Variants in TTYH3 observed in about 807,000 individuals in gnomAD.
The protein encoded by TTYH3 is protein tweety homolog 3.
TTYH3 carries 23 observed loss-of-function variants against 68.2 expected under a neutral mutation model. That is an observed-to-expected ratio of 0.34 (90% confidence interval 0.24 to 0.48). TTYH3 has a LOEUF of 0.48. TTYH3 is among the 20% of genes least tolerant of loss of function. The pLI, the probability that TTYH3 is intolerant of heterozygous loss-of-function variation, is 0.99. For missense variants in TTYH3, 768 were observed against 727.7 expected, an observed-to-expected ratio of 1.06 and a Z score of -0.64; for synonymous variants, 360 against 332.8, an observed-to-expected ratio of 1.08 and a Z score of -0.89.
chr7:2,640,030 C>A (rs1266518204), intron 1 of TTYH3, among the ~76,000 whole-genome samples: 1 of 152,186 alleles, frequency 6.6e-6, no homozygotes, highest in Non-Finnish European at 1.5e-5. Flanking sequence ...CGCTGTGTGA[C>A]TGTGGACTCT....
chr7:2,649,724 C>T, intron 6 of TTYH3, 85 bp downstream of exon 6: 1 of 1,515,574 alleles, frequency 6.6e-7, no homozygotes, highest in Non-Finnish European at 8.9e-7. Context: ...CCTCTCCCCT[C>T]CCATCTTCCC....
In TTYH3 at chr7:2,654,231, A is replaced by C. The variant is rs190181930; in HGVS notation, c.1020+1221A>C. 1.1e-3 allele frequency among the ~76,000 whole-genome samples: 163 copies of C among 152,126 alleles called. 7 individuals carry two copies. Among genetic ancestry groups the C allele is most frequent in the Admixed American group, 5.9e-4 (9 of 15,264 alleles). On this transcript the variant is annotated intron_variant, in intron 9 of 13. Transcript: ENST00000258796. ...GCAACATAGCAAGACCCCATTCTAC[A>C]AAAAAATACAAAAACTAGCTAGGTG... is the stretch of plus-strand genomic sequence containing the variant.
chr7:2,651,069 C>T (rs60401404), intron 7 of TTYH3, among the ~76,000 whole-genome samples: 3,155 of 151,990 alleles, frequency 0.021, 97 homozygotes, highest in African/African-American at 0.071. Flanking sequence ...TCGGCCCCCT[C>T]GGGAGGTTTG....
intron 11 of TTYH3, among the ~76,000 whole-genome samples, chr7:2,657,745 C>T (rs1196615290): frequency 6.6e-6 from 1 of 152,238 alleles, no homozygotes; most frequent in Admixed American, 6.5e-5. Flanking sequence ...CAAAAGCTAC[C>T]ACTGTCCTGT....
intron 1 of TTYH3, among the ~76,000 whole-genome samples, chr7:2,642,458 C>G (rs1416325417): frequency 6.9e-6 from 1 of 144,806 alleles, no homozygotes; most frequent in East Asian, 2.1e-4. Flanking sequence ...AGGAGAATCA[C>G]TTGAACCTGA....
rs114723128 is a variant in TTYH3, at chr7:2,661,230, C to T, written c.1501-438C>T. Among the ~76,000 whole-genome samples, 1,291 of 152,306 alleles carry T rather than the reference C, an allele frequency of 8.5e-3. 27 individuals carry two copies. Among genetic ancestry groups the T allele is most frequent in the African/African-American group, 0.03 (1,228 of 41,576 alleles). ...CTGTAGGTGGACCCGGCCCTGAGCC[C>T]GGAGGAGGCCTTGGCCCGGCCCTGG... is the stretch of plus-strand genomic sequence containing the variant. On this transcript the variant is annotated intron_variant, in intron 13 of 13. Coordinates refer to ENST00000258796, the MANE Select transcript of TTYH3 (RefSeq NM_025250.3).
chr7:2,646,238 C>T (rs1785977441), intron 1 of TTYH3, among the ~76,000 whole-genome samples: 1 of 152,228 alleles, frequency 6.6e-6, no homozygotes, highest in Non-Finnish European at 1.5e-5. Context: ...TGGTCTCAAA[C>T]TCCTGACCTC....
chr7:2,632,400 C>A, intron 1 of TTYH3, 122 bp downstream of exon 1: 1 of 1,018,528 alleles, frequency 9.8e-7, no homozygotes, highest in Non-Finnish European at 1.3e-6. Flanking sequence ...TCCAGGGTCA[C>A]GGCCACCTCC....
intron 6 of TTYH3, 76 bp from the exon 7 acceptor site, chr7:2,649,837 G>T (rs990723385): frequency 6.5e-7 from 1 of 1,547,502 alleles, no homozygotes; most frequent in Non-Finnish European, 8.9e-7. Flanking sequence ...GACTCCAGGG[G>T]ACGGGTTCTA....
At position 2,656,542 on chromosome 7, in the gene TTYH3, G is replaced by A. The variant is rs1562718845; in HGVS notation, c.1250+8G>A. 4 of 1,597,524 alleles carry A rather than the reference G, an allele frequency of 2.5e-6. No individual in the cohort carries two copies. The highest frequency in any genetic ancestry group is 2.6e-6 in the Non-Finnish European group (3 of 1,174,696). ...CACCTGGCAGCAAAAGAGGTGAGGGGCCCTGGGGGGTCGCAGGAGCTTGCC... is the reference window on the plus strand; with the variant it reads ...CACCTGGCAGCAAAAGAGGTGAGGGACCCTGGGGGGTCGCAGGAGCTTGCC... On this transcript the variant is annotated splice_region_variant and intron_variant, in intron 11 of 13. Coordinates refer to ENST00000258796, the MANE Select transcript of TTYH3 (RefSeq NM_025250.3).
rs772316154 is a variant in TTYH3, at chr7:2,663,712, T to C, written c.*1973T>C. 2.6e-5 allele frequency: 4 copies of C among 152,684 alleles called. No homozygotes were observed. The highest frequency in any genetic ancestry group is 4.4e-5 in the Non-Finnish European group (3 of 68,044). 9.5% of individuals were successfully genotyped at this position (152,684 alleles called of 1,614,324 possible). A position where few individuals can be genotyped will look rare whatever the true frequency, so the allele number is the denominator to read the frequency against. ...TGCGACCGCTCAGAAGCACAAATGC[T>C]GTCCATGGCCGTGAGGCTGCCTGCC... On this transcript the variant is annotated 3_prime_UTR_variant, in exon 14 of 14. Transcript: ENST00000258796.
intron 1 of TTYH3, among the ~76,000 whole-genome samples, chr7:2,637,529 T>C (rs1025418914): frequency 2.0e-5 from 3 of 152,080 alleles, no homozygotes; most frequent in African/African-American, 7.2e-5. Flanking sequence ...TCAGCACAGT[T>C]CGTGAACCCA....
At chr7:2,649,849 C>A in intron 6 of TTYH3, 64 bp from the exon 7 acceptor site, 1 of 1,580,866 alleles carries the variant, frequency 6.3e-7, no homozygotes. Flanking sequence ...CGGGTTCTAC[C>A]CCCGAGAGCT....
rs891965673 is a variant in TTYH3 at position 2,662,005 on chromosome 7, C to A, written c.*266C>A. 6.8e-6 allele frequency: 4 copies of A among 588,472 alleles called. No individual in the cohort carries two copies. Among genetic ancestry groups the A allele is most frequent in the Admixed American group, 3.0e-5 (1 of 33,376 alleles). 36.5% of individuals were successfully genotyped at this position (588,472 alleles called of 1,614,324 possible). Reference sequence around the variant, plus strand: ...CCCTGCACGCCACCCACTATCCCGGCACGCTCCCTCTGCAGATGGTCGCCG... The same window carrying A: ...CCCTGCACGCCACCCACTATCCCGGAACGCTCCCTCTGCAGATGGTCGCCG... On this transcript the variant is annotated 3_prime_UTR_variant, in exon 14 of 14. Coordinates refer to ENST00000258796, the MANE Select transcript of TTYH3 (RefSeq NM_025250.3).
intron 3 of TTYH3, 33 bp from the exon 4 acceptor site, chr7:2,647,385 G>A: frequency 6.8e-7 from 1 of 1,461,780 alleles, no homozygotes; most frequent in Non-Finnish European, 9.0e-7. Context: ...AGGCGGGCGC[G>A]CTCCCAGCCT....
At chr7:2,636,372 C>T (rs749286850) in intron 1 of TTYH3, among the ~76,000 whole-genome samples, 19 of 152,122 alleles carry the variant, frequency 1.2e-4, no homozygotes, top group Non-Finnish European at 2.6e-4. Flanking sequence ...ACAGAAGCGT[C>T]CCTCCAGCTG....
At chr7:2,632,776 C>G (rs1785556235) in intron 1 of TTYH3, among the ~76,000 whole-genome samples, 1 of 152,276 alleles carries the variant, frequency 6.6e-6, no homozygotes, top group Non-Finnish European at 1.5e-5. Flanking sequence ...CGCCCACTCA[C>G]CCCCGACTGG....
In TTYH3 at chr7:2,663,546, C is replaced by T. The variant is rs1479898581; in HGVS notation, c.*1807C>T. 1 of 152,584 alleles carries T rather than the reference C, an allele frequency of 6.6e-6. No homozygotes were observed. The highest frequency in any genetic ancestry group is 1.5e-5 in the Non-Finnish European group (1 of 68,156). 9.5% of individuals were successfully genotyped at this position (152,584 alleles called of 1,614,324 possible). A position where few individuals can be genotyped will look rare whatever the true frequency, so the allele number is the denominator to read the frequency against. On this transcript the variant is annotated 3_prime_UTR_variant, in exon 14 of 14. Transcript: ENST00000258796. ...TCTGCTTCAGGCCCCGCCTGGCTGA[C>T]ATTCTGAGCCCCCCTCGGAGGCCCC...
chr7:2,661,544 C>G, intron 13 of TTYH3, 124 bp from the exon 14 acceptor site: 1 of 980,912 alleles, frequency 1.0e-6, no homozygotes, highest in Non-Finnish European at 1.6e-6. Flanking sequence ...TCAGGGCACC[C>G]TGTACTGTCC....
Sources: allele counts gnomAD v4.1 joint callset (sites outside exome capture counted in the v4.1 genomes callset), GRCh38; gene constraint gnomAD v4.1.1; transcripts MANE v1.5; gene names NCBI Gene and HGNC (gene_info 2026-07-23, HGNC 2026-07-21).